KCNMA1: variants seen among roughly 807,000 people sequenced by gnomAD.
KCNMA1 encodes the protein Calcium-activated potassium channel subunit alpha-1.
A neutral mutation model predicts 140.0 loss-of-function variants in KCNMA1; 29 were observed. The ratio of observed to expected loss-of-function variants is 0.21; its 90% CI spans 0.15 to 0.28. The LOEUF (loss-of-function observed/expected upper bound fraction) is 0.28, where lower values mean the gene tolerates loss of function less well. Ranked by LOEUF, KCNMA1 falls within the 10% of genes least tolerant of loss-of-function variation. The probability of loss-of-function intolerance (pLI) is 1.00; values close to 1 mark genes in which losing one functional copy is unlikely to be tolerated. For missense variants in KCNMA1, 880 were observed against 1,602.2 expected, an observed-to-expected ratio of 0.55 and a Z score of 7.70; for synonymous variants, 612 against 611.9, an observed-to-expected ratio of 1.00 and a Z score of 0.00.
intron 17 of KCNMA1, among the ~76,000 whole-genome samples, chr10:77,013,838 T>C (rs745652270): frequency 6.6e-6 from 1 of 152,166 alleles, no homozygotes; most frequent in East Asian, 1.9e-4. Flanking sequence ...AAAGCTGAGA[T>C]TGAATTCACA....
chr10:77,416,980 G>A (rs1022161696), intron 1 of KCNMA1, among the ~76,000 whole-genome samples: 3 of 152,106 alleles, frequency 2.0e-5, no homozygotes, highest in African/African-American at 4.8e-5. Context: ...TGAGGCTGCC[G>A]GCTGCCCTCC....
chr10:76,948,726 T>A (rs775255695), intron 22 of KCNMA1, among the ~76,000 whole-genome samples: 6 of 152,184 alleles, frequency 3.9e-5, no homozygotes, highest in Non-Finnish European at 5.9e-5. Flanking sequence ...TTTATTTAGT[T>A]AAAAACAGAA....
intron 2 of KCNMA1, among the ~76,000 whole-genome samples, chr10:77,398,278 T>C (rs78272825): frequency 0.097 from 14,787 of 152,180 alleles, 767 homozygotes; most frequent in Middle Eastern, 0.18. Flanking sequence ...TTTGAGAAAT[T>C]TCTGTGCTGT....
At chr10:77,522,535 G>T (rs1334382823) in intron 1 of KCNMA1, among the ~76,000 whole-genome samples, 1 of 152,186 alleles carries the variant, frequency 6.6e-6, no homozygotes, top group Non-Finnish European at 1.5e-5. Flanking sequence ...CTGGATCCCT[G>T]CTCCTAGCAA....
intron 25 of KCNMA1, among the ~76,000 whole-genome samples, chr10:76,899,651 T>C (rs2044194567): frequency 6.6e-6 from 1 of 152,152 alleles, no homozygotes; most frequent in Admixed American, 6.5e-5. Context: ...TCTGGCTCTT[T>C]ACAAGACAGT....
intron 19 of KCNMA1, chr10:76,970,633 T>C (rs946414264): frequency 6.1e-6 from 1 of 163,054 alleles, no homozygotes; most frequent in African/African-American, 2.4e-5. Context: ...CATTGGTGCA[T>C]GCTGGCTCAA....
intron 14 of KCNMA1, among the ~76,000 whole-genome samples, chr10:77,054,334 C>T (rs562695341): frequency 6.6e-6 from 1 of 152,162 alleles, no homozygotes; most frequent in Admixed American, 6.5e-5. Context: ...GAAACTATAC[C>T]TATTTGTCCC....
intron 1 of KCNMA1, among the ~76,000 whole-genome samples, chr10:77,442,231 C>A: frequency 6.6e-6 from 1 of 152,162 alleles, no homozygotes; most frequent in East Asian, 1.9e-4. Context: ...CATTCCCAGG[C>A]GAGAGCAGCC....
chr10:77,009,759 C>T (rs987637278), intron 18 of KCNMA1, among the ~76,000 whole-genome samples: 7 of 152,136 alleles, frequency 4.6e-5, no homozygotes, highest in African/African-American at 1.2e-4. Context: ...GACCTTTGCT[C>T]GTCTCCCTAT....
chr10:77,114,582 A>G (rs929551426), intron 6 of KCNMA1, among the ~76,000 whole-genome samples: 5 of 152,112 alleles, frequency 3.3e-5, no homozygotes, highest in Non-Finnish European at 4.4e-5. Context: ...TGTTTACACT[A>G]TTTACTCAAC....
At chr10:77,360,915 C>T (rs1012999844) in intron 2 of KCNMA1, among the ~76,000 whole-genome samples, 3 of 152,046 alleles carry the variant, frequency 2.0e-5, no homozygotes, top group Non-Finnish European at 4.4e-5. Flanking sequence ...ATGAGGGAGC[C>T]GCAATGATCT....
intron 5 of KCNMA1, among the ~76,000 whole-genome samples, chr10:77,172,539 T>C (rs2098716672): frequency 1.3e-5 from 2 of 152,014 alleles, no homozygotes; most frequent in Admixed American, 1.3e-4. Flanking sequence ...CTGAAATACA[T>C]CCAAATTTTT....
At chr10:77,292,752 C>G (rs541261168) in intron 2 of KCNMA1, among the ~76,000 whole-genome samples, 2 of 152,336 alleles carry the variant, frequency 1.3e-5, no homozygotes, top group South Asian at 4.1e-4. Flanking sequence ...CTCTCTTGAG[C>G]CACTTTGTTT....
At chr10:77,098,106 C>G (rs191986002) in intron 9 of KCNMA1, among the ~76,000 whole-genome samples, 13 of 152,320 alleles carry the variant, frequency 8.5e-5, no homozygotes, top group African/African-American at 3.1e-4. Flanking sequence ...TCCCAAATCA[C>G]AGTTAGACCT....
intron 23 of KCNMA1, among the ~76,000 whole-genome samples, chr10:76,925,005 C>T (rs890924055): frequency 6.6e-6 from 1 of 152,196 alleles, no homozygotes; most frequent in Non-Finnish European, 1.5e-5. Context: ...TCCCTCCCAA[C>T]CCAGCTCCTG....
chr10:77,306,738 G>A (rs145262413), intron 2 of KCNMA1, among the ~76,000 whole-genome samples: 1 of 152,274 alleles, frequency 6.6e-6, no homozygotes, highest in South Asian at 2.1e-4. Flanking sequence ...TATTGCAGTT[G>A]TCTACACAAG....
intron 5 of KCNMA1, among the ~76,000 whole-genome samples, chr10:77,138,175 T>C (rs919698618): frequency 1.3e-5 from 2 of 152,226 alleles, no homozygotes; most frequent in Non-Finnish European, 2.9e-5. Flanking sequence ...CCAGGTCTTC[T>C]ATTTGAATAG....
At chr10:77,442,414 C>G (rs535094053) in intron 1 of KCNMA1, among the ~76,000 whole-genome samples, 1 of 152,164 alleles carries the variant, frequency 6.6e-6, no homozygotes, top group African/African-American at 2.4e-5. Context: ...CTCTCCTGCC[C>G]CAGCTCCTAA....
chr10:77,207,194 C>A (rs548806096), intron 3 of KCNMA1, among the ~76,000 whole-genome samples: 5 of 152,230 alleles, frequency 3.3e-5, no homozygotes, highest in Non-Finnish European at 2.9e-5. Context: ...ATCTAAAGCT[C>A]TTCTGATTAC....
Sources: allele counts gnomAD v4.1 joint callset (sites outside exome capture counted in the v4.1 genomes callset), GRCh38; gene constraint gnomAD v4.1.1; transcripts MANE v1.5; gene names NCBI Gene and HGNC (gene_info 2026-07-23, HGNC 2026-07-21).